VSNL1: variants seen among roughly 807,000 people sequenced by gnomAD.
The protein encoded by VSNL1 is visinin like 1, also known as visinin-like protein 1.
A neutral mutation model predicts 20.4 loss-of-function variants in VSNL1; 6 were observed. The observed-to-expected ratio is 0.29, with a 90% CI of 0.16 to 0.58. VSNL1 has a LOEUF of 0.58. Among genes scored for constraint, VSNL1 ranks in the 20% least tolerant of loss-of-function variants. The pLI is 0.90. For missense variants in VSNL1, 100 were observed against 234.5 expected (o/e 0.43, Z 3.75); for synonymous variants, 93 against 86.4 (o/e 1.08, Z -0.42).
At chr2:17,606,660 A>C (rs1664952347) in intron 2 of VSNL1, among the ~76,000 whole-genome samples, 1 of 152,126 alleles carries the variant, frequency 6.6e-6, no homozygotes, top group African/African-American at 2.4e-5. Context: ...CATGCCTGGC[A>C]CTGAGGAGCC....
chr2:17,553,769 G>A (rs62130458), intron 1 of VSNL1, among the ~76,000 whole-genome samples: 4,586 of 152,242 alleles, frequency 0.03, 67 homozygotes, highest in Middle Eastern at 0.054. Flanking sequence ...AAATTATAAC[G>A]TATCTCACGA....
intron 2 of VSNL1, among the ~76,000 whole-genome samples, chr2:17,641,639 G>C (rs1490239344): frequency 1.3e-5 from 2 of 152,208 alleles, no homozygotes; most frequent in Non-Finnish European, 2.9e-5. Flanking sequence ...TTTAAAGTCT[G>C]AGTAATCAGT....
At chr2:17,642,285 T>C (rs1665896725) in intron 2 of VSNL1, among the ~76,000 whole-genome samples, 1 of 150,104 alleles carries the variant, frequency 6.7e-6, no homozygotes. Context: ...GAGATGATTC[T>C]GGCTTTTCCC....
intron 1 of VSNL1, among the ~76,000 whole-genome samples, chr2:17,552,942 A>C (rs1195104304): frequency 1.3e-5 from 2 of 152,152 alleles, no homozygotes; most frequent in Non-Finnish European, 2.9e-5. Flanking sequence ...GAAAATGAAA[A>C]TTGTACTCCT....
At chr2:17,585,383 A>T (rs954645998) in intron 1 of VSNL1, among the ~76,000 whole-genome samples, 2 of 56,514 alleles carry the variant, frequency 3.5e-5, no homozygotes, top group African/African-American at 1.4e-4. Context: ...CCTTCATTAT[A>T]AAAAAAAAAA....
chr2:17,623,601 C>T (rs960337913), intron 2 of VSNL1, among the ~76,000 whole-genome samples: 4 of 137,902 alleles, frequency 2.9e-5, no homozygotes, highest in Non-Finnish European at 4.6e-5. Flanking sequence ...ACCTGGGAGG[C>T]GGAGCTTGCA....
At chr2:17,622,527 GAAAGA>G (rs1478016722) in intron 2 of VSNL1, among the ~76,000 whole-genome samples, 2 of 81,054 alleles carry the variant, frequency 2.5e-5, no homozygotes, top group Non-Finnish European at 2.7e-5. Context: ...AGAAAAGAAA[GAAAGA>G]AAAGAAAGAA....
At position 17,649,634 on chromosome 2, in the gene VSNL1, CG is replaced by C; in HGVS notation, c.378+13del. The C allele has an allele frequency of 6.2e-7, 1 of 1,613,722 alleles. No homozygotes were observed. Among genetic ancestry groups the C allele is most frequent in the Non-Finnish European group, 8.5e-7 (1 of 1,179,868 alleles). ...TGCTGGAGATCATCGAGGTGAGGCC[CG>C]GGGTGTGGTTGGCGGGTGGTGGGCA... On this transcript the variant is annotated intron_variant, in intron 3 of 3. Coordinates refer to ENST00000295156, the MANE Select transcript of VSNL1 (RefSeq NM_003385.5). This position sits in a 1 kb window ranked among gnomAD's most constrained non-coding sequence, Gnocchi z 6.4.
intron 2 of VSNL1, among the ~76,000 whole-genome samples, chr2:17,612,825 A>G (rs965805280): frequency 3.9e-5 from 6 of 152,304 alleles, no homozygotes; most frequent in African/African-American, 1.4e-4. Context: ...TGCCCATTCT[A>G]CAGTACATTC....
At chr2:17,644,377 G>A (rs1665948980) in intron 2 of VSNL1, among the ~76,000 whole-genome samples, 1 of 152,198 alleles carries the variant, frequency 6.6e-6, no homozygotes, top group Non-Finnish European at 1.5e-5. Flanking sequence ...CCTGTCCTTG[G>A]TGGTTCCCAC....
intron 1 of VSNL1, among the ~76,000 whole-genome samples, chr2:17,585,692 C>A (rs980876303): frequency 6.6e-6 from 1 of 152,170 alleles, no homozygotes; most frequent in African/African-American, 2.4e-5. Flanking sequence ...AAATTCATCA[C>A]CTTCCTGAGC....
At chr2:17,624,420 T>A (rs1665456404) in intron 2 of VSNL1, among the ~76,000 whole-genome samples, 2 of 152,154 alleles carry the variant, frequency 1.3e-5, no homozygotes, top group African/African-American at 4.8e-5. Flanking sequence ...CCCCTAGAAT[T>A]TGTGAAAATA....
chr2:17,648,092 T>C (rs191705276), intron 2 of VSNL1, among the ~76,000 whole-genome samples: 2 of 152,344 alleles, frequency 1.3e-5, no homozygotes, highest in African/African-American at 2.4e-5. Flanking sequence ...TGATTTGTTA[T>C]ATAGGAATAG....
At chr2:17,549,565 A>G (rs1663479628) in intron 1 of VSNL1, among the ~76,000 whole-genome samples, 1 of 152,224 alleles carries the variant, frequency 6.6e-6, no homozygotes, top group Non-Finnish European at 1.5e-5. Context: ...GATCAAGTGC[A>G]TAATTGAAAG....
intron 2 of VSNL1, among the ~76,000 whole-genome samples, chr2:17,614,017 A>C (rs1267000052): frequency 6.6e-6 from 1 of 152,202 alleles, no homozygotes; most frequent in African/African-American, 2.4e-5. Context: ...GGCTGGAAAC[A>C]CGCATGGGGA....
At chr2:17,603,161 C>T (rs1335572188) in intron 2 of VSNL1, among the ~76,000 whole-genome samples, 2 of 152,172 alleles carry the variant, frequency 1.3e-5, no homozygotes, top group East Asian at 1.9e-4. Context: ...AGAAAGGGCA[C>T]AAGGGCAGAG....
chr2:17,608,377 C>T (rs1461937291), intron 2 of VSNL1, among the ~76,000 whole-genome samples: 1 of 152,308 alleles, frequency 6.6e-6, no homozygotes, highest in African/African-American at 2.4e-5. Context: ...GCTAATATGT[C>T]GTGGCTTCAC....
chr2:17,592,192 A>G lies in VSNL1; in HGVS notation c.118A>G (p.Ser40Gly). The G allele has an allele frequency of 6.2e-7, 1 of 1,613,882 alleles. No individual in the cohort carries two copies. Among genetic ancestry groups the G allele is most frequent in the African/African-American group, 1.3e-5 (1 of 75,036 alleles). The change falls in exon 2 of 4, where the codon AGT becomes GGT. Residue 40 changes from serine to glycine, a missense_variant. Physicochemically the swap from Ser to Gly is moderately conservative, Grantham distance 56 (BLOSUM62 0). Coordinates refer to ENST00000295156, the MANE Select transcript of VSNL1 (RefSeq NM_003385.5). The stretch of plus-strand genomic sequence containing the variant: ...CAAAGGATTTCTCAAGGACTGTCCA[A>G]GTGGGAGGCTAAATCTCGAGGAATT... ...WYKGFLKDCP[S>G]GRLNLEEFQQ...
intron 1 of VSNL1, among the ~76,000 whole-genome samples, chr2:17,543,348 C>CA (rs1437930399): frequency 2.0e-5 from 3 of 152,308 alleles, no homozygotes; most frequent in African/African-American, 7.2e-5. Flanking sequence ...CTGTGTTCCC[C>CA]AAAATCCTTC....
Sources: allele counts gnomAD v4.1 joint callset (sites outside exome capture counted in the v4.1 genomes callset), GRCh38; gene constraint gnomAD v4.1.1; non-coding constraint Gnocchi (gnomAD v3.1); transcripts MANE v1.5; gene names NCBI Gene and HGNC (gene_info 2026-07-23, HGNC 2026-07-21).